TRPM3: variants seen among roughly 807,000 people sequenced by gnomAD.
The protein encoded by TRPM3 is long transient receptor potential channel 3.
Under a neutral mutation model 181.2 loss-of-function variants are expected in TRPM3, and 77 were observed. The ratio of observed to expected loss-of-function variants is 0.42; its 90% CI spans 0.35 to 0.51. TRPM3 has a LOEUF of 0.51. TRPM3 is among the 20% of genes least tolerant of loss of function. The pLI is 0.01. For missense variants in TRPM3, 1,759 were observed against 2,196.7 expected (o/e 0.80, Z 3.98); for synonymous variants, 745 against 796.4 (o/e 0.94, Z 1.09).
chr9:71,060,625 A>G (rs1248295267), intron 1 of TRPM3, among the ~76,000 whole-genome samples: 1 of 152,122 alleles, frequency 6.6e-6, no homozygotes, highest in Non-Finnish European at 1.5e-5. Flanking sequence ...ATGGGCCATG[A>G]GTTGTGGTCT....
intron 1 of TRPM3, among the ~76,000 whole-genome samples, chr9:70,957,139 T>G (rs1175609856): frequency 1.3e-5 from 2 of 151,952 alleles, no homozygotes; most frequent in Non-Finnish European, 2.9e-5. Context: ...TTTTTTTGTA[T>G]TTTTAGTAGA....
chr9:71,020,249 T>G (rs2097833798), intron 1 of TRPM3, among the ~76,000 whole-genome samples: 1 of 151,958 alleles, frequency 6.6e-6, no homozygotes, highest in Admixed American at 6.6e-5. Context: ...GGAGGATCAC[T>G]TGAGCCCAGA....
chr9:70,987,018 T>G (rs1030263465), intron 1 of TRPM3, among the ~76,000 whole-genome samples: 13 of 151,464 alleles, frequency 8.6e-5, no homozygotes, highest in African/African-American at 3.1e-4. Context: ...AGAAACTGAG[T>G]TTTTCATTTT....
At chr9:70,842,219 T>A (rs1450641639) in intron 5 of TRPM3, among the ~76,000 whole-genome samples, 1 of 152,044 alleles carries the variant, frequency 6.6e-6, no homozygotes, top group Non-Finnish European at 1.5e-5. Flanking sequence ...TCAGGAGAAA[T>A]GCAAGCCCCT....
chr9:71,078,162 G>A (rs1180056030), intron 1 of TRPM3, among the ~76,000 whole-genome samples: 2 of 151,982 alleles, frequency 1.3e-5, no homozygotes, highest in African/African-American at 2.4e-5. Flanking sequence ...CAGATAAACT[G>A]CAAACATCTA....
At position 71,439,598 on chromosome 9, in the gene TRPM3, C is replaced by T. The variant is rs374037672; in HGVS notation, c.183+7055G>A. Among the ~76,000 whole-genome samples, 10 of 152,192 alleles carry T rather than the reference C, an allele frequency of 6.6e-5. No individual in the cohort carries two copies. In the East Asian group the frequency reaches 1.7e-3, roughly 26 times the overall value. ...GGCCAGCACTACTCCCCTGCTGCCC[C>T]ATGCAAAATTTTGGCTCAGGTCAGA... On this transcript the variant is annotated intron_variant, in intron 1 of 24. Coordinates refer to the TRPM3 transcript ENST00000357533.
At chr9:71,188,316 TAGGAAA>T (rs1417409379) in intron 1 of TRPM3, among the ~76,000 whole-genome samples, 22 of 151,812 alleles carry the variant, frequency 1.4e-4, no homozygotes, top group African/African-American at 5.3e-4. Context: ...CCAATGTGAG[TAGGAAA>T]AGGAAAATTT....
At chr9:70,980,096 C>CACACACAT (rs1554789041) in intron 1 of TRPM3, among the ~76,000 whole-genome samples, 1 of 151,712 alleles carries the variant, frequency 6.6e-6, no homozygotes. Flanking sequence ...CACACACACA[C>CACACACAT]GGAGTACACT....
At chr9:71,160,624 C>T (rs947940189) in intron 1 of TRPM3, among the ~76,000 whole-genome samples, 1 of 152,116 alleles carries the variant, frequency 6.6e-6, no homozygotes, top group African/African-American at 2.4e-5. Context: ...GTCTTTAAGG[C>T]CTGCTCAAGT....
intron 1 of TRPM3, among the ~76,000 whole-genome samples, chr9:71,383,847 T>C (rs1388309687): frequency 6.6e-6 from 1 of 152,244 alleles, no homozygotes; most frequent in East Asian, 1.9e-4. Context: ...ATTTCTATGA[T>C]TGAGTCAATC....
At chr9:70,671,190 G>C (rs1288326814) in intron 9 of TRPM3, among the ~76,000 whole-genome samples, 1 of 152,144 alleles carries the variant, frequency 6.6e-6, no homozygotes, top group Non-Finnish European at 1.5e-5. Context: ...TGTTACAACT[G>C]TGTATTATTA....
Position 70,965,622 on chromosome 9 carries a change from TA to T in TRPM3, c.178-101112del, listed in dbSNP as rs549627231. Among the ~76,000 whole-genome samples, 263 of 152,260 alleles carry T rather than the reference TA, an allele frequency of 1.7e-3. 2 individuals carry two copies. The Middle Eastern group carries it at 0.024, about 14-fold the overall frequency. On this transcript the variant is annotated intron_variant, in intron 1 of 25. Coordinates refer to ENST00000677713, the MANE Select transcript of TRPM3 (RefSeq NM_001366145.2). The stretch of plus-strand genomic sequence containing the variant: ...TTGAACCAACCTTGCATCCCAGGGA[TA>T]AGGCCTACTTGATCGTTGTGGATAA...
chr9:71,222,133 G>C (rs1260548750), intron 1 of TRPM3, among the ~76,000 whole-genome samples: 1 of 152,196 alleles, frequency 6.6e-6, no homozygotes, highest in Non-Finnish European at 1.5e-5. Context: ...ATATTGAGCA[G>C]TACACTGCTG....
At chr9:71,389,485 C>T (rs2093008501) in intron 1 of TRPM3, among the ~76,000 whole-genome samples, 1 of 152,082 alleles carries the variant, frequency 6.6e-6, no homozygotes, top group African/African-American at 2.4e-5. Context: ...TCCTGGGTAT[C>T]TACCCAGAGG....
chr9:70,587,800 T>C (rs917360137), intron 22 of TRPM3, among the ~76,000 whole-genome samples: 2 of 152,206 alleles, frequency 1.3e-5, no homozygotes, highest in East Asian at 1.9e-4. Flanking sequence ...GGATTCTATA[T>C]AGCAAACACG....
intron 1 of TRPM3, among the ~76,000 whole-genome samples, chr9:71,216,169 A>G (rs1194396979): frequency 2.0e-5 from 3 of 152,230 alleles, no homozygotes; most frequent in Admixed American, 6.5e-5. Flanking sequence ...GTTTATGAAC[A>G]GATGTGAGTT....
rs899530142 is a variant in TRPM3, at chr9:70,530,795, A to T, written c.*5158T>A. Reference sequence around the variant, plus strand: ...ACAGAATATCCAACTTGTAAAAAGAAGAGAAAGCTTAGGTCAATGCAGGCT... The same window carrying T: ...ACAGAATATCCAACTTGTAAAAAGATGAGAAAGCTTAGGTCAATGCAGGCT... On this transcript the variant is annotated 3_prime_UTR_variant, in exon 26 of 26. Coordinates refer to ENST00000677713, the MANE Select transcript of TRPM3 (RefSeq NM_001366145.2). The T allele has an allele frequency of 2.0e-5, 3 of 152,240 alleles. No individual in the cohort carries two copies. Among genetic ancestry groups the T allele is most frequent in the African/African-American group, 7.2e-5 (3 of 41,460 alleles). 9.4% of individuals were successfully genotyped at this position (152,240 alleles called of 1,614,324 possible).
At chr9:70,926,281 G>A (rs2993022) in intron 1 of TRPM3, among the ~76,000 whole-genome samples, 87,709 of 151,890 alleles carry the variant, frequency 0.58, 26,694 homozygotes, top group African/African-American at 0.76. Context: ...AACCAAAGTT[G>A]GAATAAGCAA....
intron 1 of TRPM3, among the ~76,000 whole-genome samples, chr9:71,259,015 G>C (rs2082859050): frequency 6.6e-6 from 1 of 152,070 alleles, no homozygotes; most frequent in African/African-American, 2.4e-5. Flanking sequence ...ATCTACATTA[G>C]GTATTTCTCC....
Sources: allele counts gnomAD v4.1 joint callset (sites outside exome capture counted in the v4.1 genomes callset), GRCh38; gene constraint gnomAD v4.1.1; transcripts MANE v1.5; gene names NCBI Gene and HGNC (gene_info 2026-07-23, HGNC 2026-07-21).